MRPL35: variants seen among roughly 807,000 people sequenced by gnomAD.
MRPL35 encodes the protein mitochondrial ribosomal protein L35.
In MRPL35, 18 loss-of-function variants were observed where a neutral mutation model predicts 21.6. The observed-to-expected ratio is 0.83, with a 90% CI of 0.58 to 1.24. The LOEUF is 1.24. Ranked by LOEUF, MRPL35 falls within the 50% of genes most tolerant of loss-of-function variation. The pLI is 0.00. For synonymous variants in MRPL35, 87 were observed against 86.9 expected, an observed-to-expected ratio of 1.00 and a Z score of -0.01; for missense variants, 223 against 223.2, an observed-to-expected ratio of 1.00 and a Z score of 0.01.
chr2:86,209,800 A>G (rs1442705242), intron 3 of MRPL35, among the ~76,000 whole-genome samples: 1 of 152,190 alleles, frequency 6.6e-6, no homozygotes, highest in Non-Finnish European at 1.5e-5. Flanking sequence ...GACAGTGGTT[A>G]AGAACTCTTA....
chr2:86,203,298 G>A (rs569518432), intron 1 of MRPL35, among the ~76,000 whole-genome samples: 1 of 151,830 alleles, frequency 6.6e-6, no homozygotes, highest in Non-Finnish European at 1.5e-5. Flanking sequence ...TAGCCAAGAT[G>A]GTCTTGACCT....
At position 86,213,513 on chromosome 2, in the gene MRPL35, T is replaced by G; in HGVS notation, c.*2845T>G. The G allele has an allele frequency of 7.1e-7, 1 of 1,400,968 alleles. No homozygotes were observed. The highest frequency in any genetic ancestry group is 9.4e-7 in the Non-Finnish European group (1 of 1,064,230). The allele number at this position is 1,400,968 out of a possible 1,614,324, so 86.8% of individuals were successfully genotyped here. ...AATTTTGATGTTTCAAATTTTGAGC[T>G]TCCAAGTCTTTGTGGCCACCCAATG... is the stretch of plus-strand genomic sequence containing the variant. On this transcript the variant is annotated 3_prime_UTR_variant, in exon 4 of 4. Transcript: ENST00000337109.
intron 1 of MRPL35, among the ~76,000 whole-genome samples, chr2:86,201,998 A>G (rs1273169114): frequency 6.6e-6 from 1 of 152,254 alleles, no homozygotes; most frequent in Non-Finnish European, 1.5e-5. Context: ...TCTCTATACA[A>G]CAGTGTGTTT....
At chr2:86,201,094 A>C (rs1375057795) in intron 1 of MRPL35, among the ~76,000 whole-genome samples, 2 of 152,124 alleles carry the variant, frequency 1.3e-5, no homozygotes, top group African/African-American at 4.8e-5. Flanking sequence ...TATGTGTGAA[A>C]ATCGCTGTGG....
chr2:86,211,753 G>A lies in MRPL35; in HGVS notation c.*1085G>A, dbSNP rs1031392329. On this transcript the variant is annotated 3_prime_UTR_variant, in exon 4 of 4. Transcript: ENST00000337109. The stretch of plus-strand genomic sequence containing the variant: ...TGCAATCATAGCTCATTGAAGCCTC[G>A]CACTCCTGGGCTCAAGTGGTCCTCC... 10 of 982,606 alleles carry A rather than the reference G, an allele frequency of 1.0e-5. No homozygotes were observed. The highest frequency in any genetic ancestry group is 1.1e-4 in the East Asian group (1 of 8,810). 60.9% of individuals were successfully genotyped at this position (982,606 alleles called of 1,614,324 possible).
In MRPL35 at chr2:86,213,755, AT is replaced by A; in HGVS notation, c.*3094del. ...CACAGCTACCTAGTTTCTGCCGATGATTTTTTTAAATGTGAAATAAACAGTG... is the reference window on the plus strand; with the variant it reads ...CACAGCTACCTAGTTTCTGCCGATGATTTTTTAAATGTGAAATAAACAGTG... On this transcript the variant is annotated 3_prime_UTR_variant, in exon 4 of 4. Transcript: ENST00000337109. The A allele has an allele frequency of 7.2e-7, 1 of 1,386,036 alleles. No homozygotes were observed. Among genetic ancestry groups the A allele is most frequent in the Non-Finnish European group, 9.9e-7 (1 of 1,007,942 alleles). 85.9% of individuals were successfully genotyped at this position (1,386,036 alleles called of 1,614,324 possible).
At position 86,213,156 on chromosome 2, in the gene MRPL35, T is replaced by C; in HGVS notation, c.*2488T>C. The C allele has an allele frequency of 1.0e-6, 1 of 986,822 alleles. No homozygotes were observed. The highest frequency in any genetic ancestry group is 1.2e-6 in the Non-Finnish European group (1 of 830,828). The allele number at this position is 986,822 out of a possible 1,614,324, so 61.1% of individuals were successfully genotyped here. On this transcript the variant is annotated 3_prime_UTR_variant, in exon 4 of 4. Transcript: ENST00000337109. ...GTATTTCCCTGAGTCTTCTAACATA[T>C]GAAAATTCATATCTAAATCAACAAG...
chr2:86,200,374 A>T (rs891755126), intron 1 of MRPL35, among the ~76,000 whole-genome samples: 1 of 152,228 alleles, frequency 6.6e-6, no homozygotes, highest in African/African-American at 2.4e-5. Context: ...TCTAAAGCAA[A>T]CACCTGTTTA....
chr2:86,205,937 A>G (rs1427618723), intron 1 of MRPL35, among the ~76,000 whole-genome samples, 169 bp from the exon 2 acceptor site: 1 of 152,226 alleles, frequency 6.6e-6, no homozygotes, highest in Non-Finnish European at 1.5e-5. Context: ...AAAATCAGTA[A>G]TTAATTTATG....
intron 1 of MRPL35, 129 bp downstream of exon 1, chr2:86,199,662 C>T: frequency 2.5e-6 from 3 of 1,199,798 alleles, no homozygotes; most frequent in Non-Finnish European, 3.5e-6. Flanking sequence ...AGGTTGCGCC[C>T]AATTTTCTCT....
chr2:86,202,431 A>G (rs1673702452), intron 1 of MRPL35, among the ~76,000 whole-genome samples: 1 of 152,226 alleles, frequency 6.6e-6, no homozygotes, highest in African/African-American at 2.4e-5. Context: ...TCTTCATAAA[A>G]ATTGAGAACA....
chr2:86,206,341 G>GTT, intron 2 of MRPL35, 46 bp downstream of exon 2: 8 of 1,499,030 alleles, frequency 5.3e-6, no homozygotes, highest in South Asian at 2.5e-5. Context: ...TTTGTTTTTT[G>GTT]TTTTTTTTTG....
Position 86,212,578 on chromosome 2 carries a change from C to A in MRPL35, c.*1910C>A. 6.7e-7 allele frequency: 1 copy of A among 1,501,074 alleles called. No individual in the cohort carries two copies. Among genetic ancestry groups the A allele is most frequent in the Non-Finnish European group, 8.9e-7 (1 of 1,126,826 alleles). The allele number at this position is 1,501,074 out of a possible 1,614,324, so 93.0% of individuals were successfully genotyped here. ...CACAGCCTCCATGATGTCTTTATTG[C>A]AAATATGGATGACAAGGGTCTCTGT... is the stretch of plus-strand genomic sequence containing the variant. On this transcript the variant is annotated 3_prime_UTR_variant, in exon 4 of 4. Transcript: ENST00000337109.
intron 2 of MRPL35, 122 bp downstream of exon 2, chr2:86,206,417 C>G: frequency 1.1e-6 from 1 of 915,056 alleles, no homozygotes; most frequent in East Asian, 2.6e-5. Flanking sequence ...ACTGCAACCT[C>G]CACCTCCGGG....
At position 86,210,616 on chromosome 2, in the gene MRPL35, A is replaced by T. The variant is rs1195583705; in HGVS notation, c.515A>T (p.Tyr172Phe). The change falls in exon 4 of 4, where the codon TAC becomes TTC. Residue 172 changes from tyrosine (Y) to phenylalanine (F), a missense_variant. By Grantham distance (22) the Tyr-to-Phe change is conservative. Coordinates refer to ENST00000337109, the MANE Select transcript of MRPL35 (RefSeq NM_016622.4). ...TCCTTCTGGAAGAGGCGAAACTGGT[A>T]CGTTGATGATCCTTATCAGAAGTAT... ...TTSFWKRRNW[Y>F]VDDPYQKYHD... is the part of the protein sequence containing the mutation. 4 of 1,613,982 alleles carry T rather than the reference A, an allele frequency of 2.5e-6. No individual in the cohort carries two copies. Among genetic ancestry groups the T allele is most frequent in the Middle Eastern group, 3.3e-4 (2 of 6,060 alleles).
chr2:86,210,562 A>G lies in MRPL35; in HGVS notation c.461A>G (p.Gln154Arg). Residue 154 changes from glutamine (Q) to arginine (R), a missense_variant, in exon 4 of 4, where the codon CAG becomes CGG. Gln to Arg is a conservative substitution (Grantham distance 43). Transcript: ENST00000337109. Reference sequence around the variant, plus strand: ...GAATTTGTATTCTGCAATAAAACCCAGAGTAAACTCTTAGATAAAATGACG... The same window carrying G: ...GAATTTGTATTCTGCAATAAAACCCGGAGTAAACTCTTAGATAAAATGACG... ...LREFVFCNKTQSKLLDKMTTS... is the reference protein window; with the variant it reads ...LREFVFCNKTRSKLLDKMTTS... 6.2e-7 allele frequency: 1 copy of G among 1,614,074 alleles called. No homozygotes were observed. Among genetic ancestry groups the G allele is most frequent in the Non-Finnish European group, 8.5e-7 (1 of 1,179,932 alleles).
chr2:86,212,765 TTTG>T lies in MRPL35; in HGVS notation c.*2099_*2101del. 1 of 1,111,830 alleles carries T rather than the reference TTTG, an allele frequency of 9.0e-7. No individual in the cohort carries two copies. The highest frequency in any genetic ancestry group is 1.1e-6 in the Non-Finnish European group (1 of 912,072). The allele number at this position is 1,111,830 out of a possible 1,614,324, so 68.9% of individuals were successfully genotyped here. A position where few individuals can be genotyped will look rare whatever the true frequency, so the allele number is the denominator to read the frequency against. ...GGAATTTCATACATACGATTTTTGT[TTTG>T]TGGGTAGGAGGGCTTATCATCAACA... On this transcript the variant is annotated 3_prime_UTR_variant, in exon 4 of 4. Transcript: ENST00000337109.
intron 1 of MRPL35, 128 bp downstream of exon 1, chr2:86,199,661 C>G: frequency 8.3e-7 from 1 of 1,198,912 alleles, no homozygotes; most frequent in Non-Finnish European, 1.2e-6. Context: ...AAGGTTGCGC[C>G]CAATTTTCTC....
chr2:86,202,978 A>G (rs1194448867), intron 1 of MRPL35, among the ~76,000 whole-genome samples: 1 of 151,862 alleles, frequency 6.6e-6, no homozygotes, highest in Admixed American at 6.6e-5. Flanking sequence ...GAGCTACCAC[A>G]CCTGGCCCTG....
Sources: allele counts gnomAD v4.1 joint callset (sites outside exome capture counted in the v4.1 genomes callset), GRCh38; gene constraint gnomAD v4.1.1; transcripts MANE v1.5; gene names NCBI Gene and HGNC (gene_info 2026-07-23, HGNC 2026-07-21).